The following STAT5A variants were observed in gnomAD, a reference collection of about 807,000 sequenced individuals.
STAT5A encodes epididymis secretory sperm binding protein.
Under a neutral mutation model 100.2 loss-of-function variants are expected in STAT5A, and 26 were observed. That is an observed-to-expected ratio of 0.26 (90% confidence interval 0.19 to 0.36). The LOEUF (loss-of-function observed/expected upper bound fraction) is 0.36. Ranked by LOEUF, STAT5A falls within the 10% of genes least tolerant of loss-of-function variation. The pLI is 1.00. For synonymous variants in STAT5A, 330 were observed against 424.3 expected, an observed-to-expected ratio of 0.78 and a Z score of 2.73; for missense variants, 634 against 1,027.5, an observed-to-expected ratio of 0.62 and a Z score of 5.24.
At chr17:42,305,875 T>C (rs2081023874) in intron 12 of STAT5A, among the ~76,000 whole-genome samples, 173 bp downstream of exon 12, 1 of 152,176 alleles carries the variant, frequency 6.6e-6, no homozygotes, top group Non-Finnish European at 1.5e-5. Flanking sequence ...CACCATGGCC[T>C]TGGCACTCTG....
intron 14 of STAT5A, 27 bp downstream of exon 14, chr17:42,307,523 G>A (rs746770615): frequency 1.2e-6 from 2 of 1,613,904 alleles, no homozygotes; most frequent in East Asian, 2.2e-5. Context: ...GCAGGGTCAG[G>A]GGCCAGCTGT....
At chr17:42,305,544 T>C in intron 11 of STAT5A, 66 bp from the exon 12 acceptor site, 1 of 1,295,720 alleles carries the variant, frequency 7.7e-7, no homozygotes, top group Non-Finnish European at 1.1e-6. Flanking sequence ...AGATTGGGCA[T>C]GTTGCCTAAG....
At chr17:42,298,553 G>A (rs1276795354) in intron 5 of STAT5A, among the ~76,000 whole-genome samples, 1 of 148,000 alleles carries the variant, frequency 6.8e-6, no homozygotes, top group Non-Finnish European at 1.5e-5. Context: ...CTCACTGCAA[G>A]CTCCACCTTC....
At position 42,309,373 on chromosome 17, in the gene STAT5A, G is replaced by A; in HGVS notation, c.2115-4G>A. On this transcript the variant is annotated splice_region_variant and splice_polypyrimidine_tract_variant and intron_variant, in intron 17 of 18. Coordinates refer to ENST00000590949, the MANE Select transcript of STAT5A (RefSeq NM_001288718.2). Reference sequence around the variant, plus strand: ...GCTGAAGCTCTGTTCTCTTCCTTCTGCAGGTTTGTGAATGCATCTGCAGAT... The same window carrying A: ...GCTGAAGCTCTGTTCTCTTCCTTCTACAGGTTTGTGAATGCATCTGCAGAT... 3.1e-6 allele frequency: 5 copies of A among 1,612,386 alleles called. No individual in the cohort carries two copies. Among genetic ancestry groups the A allele is most frequent in the Non-Finnish European group, 3.4e-6 (4 of 1,179,952 alleles).
In STAT5A at chr17:42,308,697, C is replaced by T. The variant is rs904323053; in HGVS notation, c.2063-350C>T. The T allele has an allele frequency of 6.0e-5, 29 of 486,684 alleles. No individual in the cohort carries two copies. Among genetic ancestry groups the T allele is most frequent in the Non-Finnish European group, 7.1e-5 (19 of 268,344 alleles). The allele number at this position is 486,684 out of a possible 1,614,324, so 30.1% of individuals were successfully genotyped here. A position where few individuals can be genotyped will look rare whatever the true frequency, so the allele number is the denominator to read the frequency against. ...CACACCCTGCTCACAAACCTTCCCC[C>T]GAGTGGAGTGCAGGCAGCAAAAGGG... On this transcript the variant is annotated intron_variant, in intron 16 of 18. Transcript: ENST00000590949. This position sits in a 1 kb window ranked among gnomAD's most constrained non-coding sequence, Gnocchi z 4.6.
In STAT5A at chr17:42,308,619, G is replaced by T. The variant is rs1270835330; in HGVS notation, c.2062+286G>T. 1 of 516,926 alleles carries T rather than the reference G, an allele frequency of 1.9e-6. No individual in the cohort carries two copies. Among genetic ancestry groups the T allele is most frequent in the Non-Finnish European group, 3.5e-6 (1 of 287,344 alleles). The allele number at this position is 516,926 out of a possible 1,614,324, so 32.0% of individuals were successfully genotyped here. ...TGGCAGCACTGTAGGGAGTGGCCGG[G>T]ATCATTCGAGCCCACAGATAGTGCT... On this transcript the variant is annotated intron_variant, in intron 16 of 18. Coordinates refer to ENST00000590949, the MANE Select transcript of STAT5A (RefSeq NM_001288718.2). The surrounding 1 kb of genome is among the most constrained non-coding windows in gnomAD (Gnocchi z 4.6).
intron 11 of STAT5A, 75 bp from the exon 12 acceptor site, chr17:42,305,535 G>A: frequency 1.7e-6 from 2 of 1,190,676 alleles, no homozygotes; most frequent in Non-Finnish European, 2.4e-6. Flanking sequence ...AAATAAAGCA[G>A]ATTGGGCATG....
At chr17:42,301,205 A>C in intron 8 of STAT5A, 70 bp from the exon 9 acceptor site, 1 of 1,567,742 alleles carries the variant, frequency 6.4e-7, no homozygotes, top group Non-Finnish European at 8.7e-7. Context: ...CACCCCCACC[A>C]CAGAGGGACT....
In STAT5A at chr17:42,307,076, T is replaced by C. The variant is rs551337707; in HGVS notation, c.1681-326T>C. Among the ~76,000 whole-genome samples, 3 of 152,258 alleles carry C rather than the reference T, an allele frequency of 2.0e-5. No individual in the cohort carries two copies. The East Asian group carries it at 5.8e-4, about 29-fold the overall frequency. ...AATTTTTGAAGACCCATCCATTCTC[T>C]GTGCCTCAGTTTCCCCACCTGTAAA... On this transcript the variant is annotated intron_variant, in intron 13 of 18. Transcript: ENST00000590949.
chr17:42,308,993 C>T lies in STAT5A; in HGVS notation c.2063-54C>T, dbSNP rs377133877. On this transcript the variant is annotated intron_variant, in intron 16 of 18. Transcript: ENST00000590949. This position sits in a 1 kb window ranked among gnomAD's most constrained non-coding sequence, Gnocchi z 4.6. ...ACTACATGGGGCGTGGGCTTCCACC[C>T]CACTTGGGAGTTCCCAGAGACTTTG... 846 of 1,613,148 alleles carry T rather than the reference C, an allele frequency of 5.2e-4. 13 individuals are homozygous for T. The South Asian group carries it at 7.9e-3, about 15-fold the overall frequency.
At chr17:42,292,631 GT>G (rs902107261) in intron 4 of STAT5A, among the ~76,000 whole-genome samples, 7 of 137,580 alleles carry the variant, frequency 5.1e-5, no homozygotes, top group East Asian at 2.3e-4. Context: ...GGCGCCTACT[GT>G]TTTTTCCCCC....
intron 5 of STAT5A, among the ~76,000 whole-genome samples, chr17:42,297,189 G>A (rs1162602015): frequency 1.3e-5 from 2 of 151,838 alleles, no homozygotes; most frequent in African/African-American, 2.4e-5. Flanking sequence ...TGCCTGCCTC[G>A]GCCTCCCAAA....
intron 9 of STAT5A, among the ~76,000 whole-genome samples, chr17:42,301,663 C>T (rs1483809831): frequency 2.0e-5 from 3 of 152,330 alleles, no homozygotes; most frequent in Admixed American, 6.5e-5. Context: ...GCCGAGTATC[C>T]GTTCTTTACC....
rs577203457 is a variant in STAT5A at position 42,300,273 on chromosome 17, A to G, written c.825A>G (p.Leu275=). 48 of 1,518,526 alleles carry G rather than the reference A, an allele frequency of 3.2e-5. 1 individual carries two copies. The Middle Eastern group carries it at 7.2e-4, about 23-fold the overall frequency. The allele number at this position is 1,518,526 out of a possible 1,614,324, so 94.1% of individuals were successfully genotyped here. A position where few individuals can be genotyped will look rare whatever the true frequency, so the allele number is the denominator to read the frequency against. The change falls in exon 7 of 19, where the codon CTA becomes CTG. Residue 275 remains leucine (L), a synonymous_variant. Transcript: ENST00000590949. ...GGPPEGSLDV[L]QSWCEKLAEI... is the part of the protein sequence containing the mutation. ...CCCCCGAGGGCAGCCTGGACGTGCT[A>G]CAGTCCTGGTAATGGTGTGGGGCGG... is the stretch of plus-strand genomic sequence containing the variant.
Position 42,310,689 on chromosome 17 carries a change from C to T in STAT5A, c.*20C>T. The stretch of plus-strand genomic sequence containing the variant: ...TCATGAATGTTTGAATCCCACGCTT[C>T]TCTTTGGAAACAATATGCAATGTGA... On this transcript the variant is annotated 3_prime_UTR_variant, in exon 19 of 19. Coordinates refer to ENST00000590949, the MANE Select transcript of STAT5A (RefSeq NM_001288718.2). 1.2e-6 allele frequency: 2 copies of T among 1,613,796 alleles called. No homozygotes were observed. Among genetic ancestry groups the T allele is most frequent in the Non-Finnish European group, 1.7e-6 (2 of 1,179,818 alleles).
At position 42,298,709 on chromosome 17, in the gene STAT5A, G is replaced by C. The variant is rs1214186981; in HGVS notation, c.551-1042G>C. On this transcript the variant is annotated intron_variant, in intron 5 of 18. Coordinates refer to ENST00000590949, the MANE Select transcript of STAT5A (RefSeq NM_001288718.2). ...GATGGTCTCTAGCCAGGATGGTCTC[G>C]ATCACCTGACCTCGTGATCTGCCCG... Among the ~76,000 whole-genome samples, 4 of 151,336 alleles carry C rather than the reference G, an allele frequency of 2.6e-5. No individual in the cohort carries two copies. The East Asian group carries it at 7.8e-4, about 30-fold the overall frequency.
At chr17:42,306,661 G>A (rs1159117145) in intron 13 of STAT5A, among the ~76,000 whole-genome samples, 2 of 138,162 alleles carry the variant, frequency 1.4e-5, no homozygotes, top group Non-Finnish European at 3.1e-5. Flanking sequence ...GCGAGATGAC[G>A]GAGGGCCCAG....
Position 42,304,170 on chromosome 17 carries a change from G to T in STAT5A, c.1170-172G>T, listed in dbSNP as rs1275052416. 1.6e-6 allele frequency: 1 copy of T among 627,322 alleles called. No homozygotes were observed. The highest frequency in any genetic ancestry group is 2.8e-6 in the Non-Finnish European group (1 of 359,442). The allele number at this position is 627,322 out of a possible 1,614,324, so 38.9% of individuals were successfully genotyped here. A position where few individuals can be genotyped will look rare whatever the true frequency, so the allele number is the denominator to read the frequency against. On this transcript the variant is annotated intron_variant, in intron 9 of 18. Transcript: ENST00000590949. This position sits in a 1 kb window ranked among gnomAD's most constrained non-coding sequence, Gnocchi z 4.8. ...CCTTGCCTTGGGTGCTGGGCACCAG[G>T]TTGATGGAGAAGTCAGTAACCCAGA...
At position 42,300,253 on chromosome 17, in the gene STAT5A, G is replaced by A. The variant is rs1217951206; in HGVS notation, c.805G>A (p.Glu269Lys). 18 of 1,461,926 alleles carry A rather than the reference G, an allele frequency of 1.2e-5. No homozygotes were observed. Among genetic ancestry groups the A allele is most frequent in the Admixed American group, 2.7e-5 (1 of 37,318 alleles). The allele number at this position is 1,461,926 out of a possible 1,614,324, so 90.6% of individuals were successfully genotyped here. The change falls in exon 7 of 19, where the codon GAG (glutamate) becomes AAG (lysine). Residue 269 changes from glutamate to lysine, a missense_variant. By Grantham distance (56) the Glu-to-Lys change is moderately conservative. Around this residue, in one of 5 missense-constraint regions of STAT5A, gnomAD observed 31 missense variants for 97.6 expected, o/e 0.32. Transcript: ENST00000590949. ...QQLAGNGGPP[E>K]GSLDVLQSWC... ...GCTGGCCGGGAACGGCGGGCCCCCC[G>A]AGGGCAGCCTGGACGTGCTACAGTC...
Sources: gnomAD v4.1 joint callset for allele counts (sites outside exome capture counted in the v4.1 genomes callset) on GRCh38, gnomAD v4.1.1 for gene constraint, gnomAD v4.1.1 regional missense constraint, Gnocchi (gnomAD v3.1) non-coding constraint, MANE v1.5 for transcripts, NCBI Gene and HGNC (gene_info 2026-07-23, HGNC 2026-07-21) for gene names.